NF1: variants seen among roughly 807,000 people sequenced by gnomAD.
NF1 encodes the protein neurofibromin.
A neutral mutation model predicts 325.7 loss-of-function variants in NF1; 122 were observed. The ratio of observed to expected loss-of-function variants is 0.37; its 90% CI spans 0.32 to 0.44. NF1 has a LOEUF of 0.44. Among genes scored for constraint, NF1 ranks in the 20% least tolerant of loss-of-function variants. NF1 has a pLI of 1.00. For synonymous variants in NF1, 1,091 were observed against 1,186.0 expected (o/e 0.92, Z 1.65); for missense variants, 2,140 against 3,415.4 (o/e 0.63, Z 9.31).
intron 1 of NF1, among the ~76,000 whole-genome samples, chr17:31,098,711 A>G (rs960946300): frequency 4.6e-5 from 7 of 152,094 alleles, no homozygotes; most frequent in Non-Finnish European, 8.8e-5. Flanking sequence ...AGGCGGGCCG[A>G]TCATGAGGTC....
chr17:31,097,537 C>T (rs1266429893), intron 1 of NF1, among the ~76,000 whole-genome samples: 1 of 151,446 alleles, frequency 6.6e-6, no homozygotes, highest in Non-Finnish European at 1.5e-5. Context: ...CTCCTTCTGT[C>T]CCTAGCTTTA....
chr17:31,129,439 C>T (rs1052317268), intron 1 of NF1, among the ~76,000 whole-genome samples: 4 of 148,878 alleles, frequency 2.7e-5, no homozygotes, highest in African/African-American at 4.9e-5. Flanking sequence ...TTAATACTTG[C>T]GATTGCATTA....
intron 36 of NF1, among the ~76,000 whole-genome samples, chr17:31,298,940 C>T (rs2068520314): frequency 6.6e-6 from 1 of 152,036 alleles, no homozygotes; most frequent in Non-Finnish European, 1.5e-5. Context: ...TTACACTTAA[C>T]AGTACTTTTG....
chr17:31,296,161 A>G (rs750618905), intron 36 of NF1: 2 of 1,612,340 alleles, frequency 1.2e-6, no homozygotes, highest in Non-Finnish European at 1.7e-6. Flanking sequence ...TTAAATGTAT[A>G]ATATTCTCTT....
At chr17:31,299,000 G>T (rs981864711) in intron 36 of NF1, among the ~76,000 whole-genome samples, 2 of 152,044 alleles carry the variant, frequency 1.3e-5, no homozygotes, top group Non-Finnish European at 2.9e-5. Context: ...ATGAATTTGG[G>T]TTTAGGCTGT....
intron 1 of NF1, among the ~76,000 whole-genome samples, chr17:31,107,903 G>T (rs1913010630): frequency 1.3e-5 from 2 of 152,086 alleles, no homozygotes; most frequent in South Asian, 2.1e-4. Flanking sequence ...TTTGGGAGGT[G>T]GGGGAGGGAG....
At chr17:31,113,089 G>A (rs535824752) in intron 1 of NF1, among the ~76,000 whole-genome samples, 1 of 152,210 alleles carries the variant, frequency 6.6e-6, no homozygotes, top group Admixed American at 6.5e-5. Flanking sequence ...TATGGTTTCG[G>A]ATTGGCTTGT....
Position 31,215,810 on chromosome 17 carries a change from G to T in NF1, c.1527+1225G>T, listed in dbSNP as rs201060870. On this transcript the variant is annotated intron_variant, in intron 13 of 57. Coordinates refer to ENST00000358273, the MANE Select transcript of NF1 (RefSeq NM_001042492.3). ...AAGTGTTAAGGTGCTTTCGATTTTG[G>T]TGGCATATTTTTTAAATTACTGTAA... is the stretch of plus-strand genomic sequence containing the variant. Among the ~76,000 whole-genome samples the T allele has an allele frequency of 7.9e-5, 12 of 152,274 alleles. No individual in the cohort carries two copies. The East Asian group carries it at 2.1e-3, about 27-fold the overall frequency.
chr17:31,122,823 A>T (rs1914549685), intron 1 of NF1, among the ~76,000 whole-genome samples: 1 of 152,228 alleles, frequency 6.6e-6, no homozygotes, highest in African/African-American at 2.4e-5. Context: ...GGGTCATCTC[A>T]GTGTGAAAGT....
At chr17:31,192,961 C>T (rs2066372425) in intron 8 of NF1, among the ~76,000 whole-genome samples, 1 of 152,174 alleles carries the variant, frequency 6.6e-6, no homozygotes, top group East Asian at 1.9e-4. Flanking sequence ...ATAAGTAATA[C>T]TTCCATAAAT....
intron 35 of NF1, 139 bp downstream of exon 35, chr17:31,261,996 C>A: frequency 1.4e-6 from 1 of 731,994 alleles, no homozygotes; most frequent in Non-Finnish European, 2.3e-6. Context: ...TTTGGGGAAT[C>A]CAACTATATA....
intron 7 of NF1, 82 bp downstream of exon 7, chr17:31,181,867 G>C: frequency 1.0e-6 from 1 of 976,226 alleles, no homozygotes; most frequent in Non-Finnish European, 1.6e-6. Context: ...CGTTTTCCAA[G>C]TTATTTTTGT....
intron 36 of NF1, among the ~76,000 whole-genome samples, chr17:31,277,090 C>T (rs2068023591): frequency 6.6e-6 from 1 of 152,248 alleles, no homozygotes; most frequent in East Asian, 1.9e-4. Flanking sequence ...AATATATTTA[C>T]TGTTCTCTGA....
intron 4 of NF1, among the ~76,000 whole-genome samples, chr17:31,165,329 C>A (rs2065826917): frequency 6.6e-6 from 1 of 152,180 alleles, no homozygotes; most frequent in African/African-American, 2.4e-5. Flanking sequence ...GAAATGGCAT[C>A]TGTGAAATAA....
At chr17:31,190,603 G>C (rs1212019093) in intron 8 of NF1, among the ~76,000 whole-genome samples, 1 of 152,164 alleles carries the variant, frequency 6.6e-6, no homozygotes, top group African/African-American at 2.4e-5. Flanking sequence ...TGGATATTCA[G>C]ATGTTTTCAG....
intron 31 of NF1, among the ~76,000 whole-genome samples, chr17:31,256,262 C>T (rs2067581245): frequency 6.6e-6 from 1 of 152,130 alleles, no homozygotes; most frequent in Non-Finnish European, 1.5e-5. Flanking sequence ...CTTAGCCTTC[C>T]AAGTAGCTGG....
At chr17:31,257,702 C>T (rs570291736) in intron 31 of NF1, 4 of 152,166 alleles carry the variant, frequency 2.6e-5, no homozygotes, top group African/African-American at 2.4e-5. Context: ...CAAGAATTCC[C>T]ATCCCTCCAT....
intron 11 of NF1, 27 bp from the exon 12 acceptor site, chr17:31,206,213 T>C (rs1454056232): frequency 1.2e-6 from 2 of 1,613,000 alleles, no homozygotes; most frequent in African/African-American, 2.7e-5. Flanking sequence ...GTACTTTTTC[T>C]TCCTATTGGT....
intron 56 of NF1, chr17:31,360,124 G>A (rs1294595578): frequency 1.2e-5 from 4 of 321,254 alleles, no homozygotes; most frequent in East Asian, 7.9e-5. Flanking sequence ...GCCCTTTACA[G>A]TGTCTAGTGA....
Sources: allele counts gnomAD v4.1 joint callset (sites outside exome capture counted in the v4.1 genomes callset), GRCh38; gene constraint gnomAD v4.1.1; transcripts MANE v1.5; gene names NCBI Gene and HGNC (gene_info 2026-07-23, HGNC 2026-07-21).